The following NEGR1 variants were observed in gnomAD, a reference collection of about 807,000 sequenced individuals.
The protein encoded by NEGR1 is neuronal growth regulator 1.
In NEGR1, 10 loss-of-function variants were observed where a neutral mutation model predicts 40.9. That is an observed-to-expected ratio of 0.24 (90% CI 0.15 to 0.42). The LOEUF is 0.42. Ranked by LOEUF, NEGR1 falls within the 10% of genes least tolerant of loss-of-function variation. The pLI, the probability that NEGR1 is intolerant of heterozygous loss-of-function variation, is 1.00. For missense variants in NEGR1, 352 were observed against 438.9 expected (o/e 0.80, Z 1.77); for synonymous variants, 185 against 166.8 (o/e 1.11, Z -0.84).
intron 6 of NEGR1, among the ~76,000 whole-genome samples, chr1:71,528,635 G>A (rs113657696): frequency 6.6e-6 from 1 of 151,192 alleles, no homozygotes; most frequent in South Asian, 2.1e-4. Flanking sequence ...TACATAATAT[G>A]GTATCTTGTG....
Position 72,129,054 on chromosome 1 carries a change from G to A in NEGR1, c.176+153265C>T, listed in dbSNP as rs1463499448. Among the ~76,000 whole-genome samples, 14 of 152,170 alleles carry A rather than the reference G, an allele frequency of 9.2e-5. No homozygotes were observed. The East Asian group carries it at 2.7e-3, about 29-fold the overall frequency. On this transcript the variant is annotated intron_variant, in intron 1 of 6. Coordinates refer to ENST00000357731, the MANE Select transcript of NEGR1 (RefSeq NM_173808.3). ...ACCTTGTTTTCAGGCCTGTGGATGA[G>A]GACTTGAACTACACCACTGGCTTTC... is the stretch of plus-strand genomic sequence containing the variant.
rs565728730 is a variant in NEGR1 at position 72,088,638 on chromosome 1, AC to A, written c.177-153328del. ...CCGTTAAAATAGCAAAATCAAGGATACTAGAATAATGTATAATGTGTTCAAC... is the reference window on the plus strand; with the variant it reads ...CCGTTAAAATAGCAAAATCAAGGATATAGAATAATGTATAATGTGTTCAAC... On this transcript the variant is annotated intron_variant, in intron 1 of 6. Coordinates refer to ENST00000357731, the MANE Select transcript of NEGR1 (RefSeq NM_173808.3). Among the ~76,000 whole-genome samples the A allele has an allele frequency of 1.9e-3, 289 of 152,284 alleles. 1 individual carries two copies. Among genetic ancestry groups the A allele is most frequent in the East Asian group, 5.8e-4 (3 of 5,176 alleles).
rs556512704 is a variant in NEGR1 at position 72,070,693 on chromosome 1, C to T, written c.177-135382G>A. Among the ~76,000 whole-genome samples the T allele has an allele frequency of 8.2e-4, 125 of 152,064 alleles. 1 individual carries two copies. The highest frequency in any genetic ancestry group is 2.9e-3 in the African/African-American group (122 of 41,544). Reference sequence around the variant, plus strand: ...TTAGTATTGGCAATCCCTGACTCCACCATAAAGTCAAGGAAAATATATAAC... The same window carrying T: ...TTAGTATTGGCAATCCCTGACTCCATCATAAAGTCAAGGAAAATATATAAC... On this transcript the variant is annotated intron_variant, in intron 1 of 6. Coordinates refer to ENST00000357731, the MANE Select transcript of NEGR1 (RefSeq NM_173808.3).
chr1:71,484,279 T>C (rs368245394), intron 6 of NEGR1, among the ~76,000 whole-genome samples: 10 of 151,616 alleles, frequency 6.6e-5, no homozygotes, highest in East Asian at 1.9e-4. Flanking sequence ...ATTGGAATAT[T>C]ATTCACCTTC....
intron 1 of NEGR1, among the ~76,000 whole-genome samples, chr1:72,007,537 C>T (rs770439168): frequency 6.6e-6 from 1 of 152,096 alleles, no homozygotes. Context: ...CACTGCTATG[C>T]CACATTACTC....
intron 6 of NEGR1, among the ~76,000 whole-genome samples, chr1:71,558,428 A>G (rs1570029480): frequency 6.6e-6 from 1 of 151,596 alleles, no homozygotes. Context: ...TGCAATTATT[A>G]TAATGGCGTT....
intron 1 of NEGR1, among the ~76,000 whole-genome samples, chr1:72,105,146 C>T (rs1373302245): frequency 6.6e-6 from 1 of 152,078 alleles, no homozygotes; most frequent in Non-Finnish European, 1.5e-5. Flanking sequence ...ATCTTTCCTG[C>T]CTCCAAACTA....
rs1405022928 is a variant in NEGR1 at position 71,665,933 on chromosome 1, C to T, written c.667+32075G>A. Reference sequence around the variant, plus strand: ...ACAAGATAAAGTCAAAATTCTTATACAGGACTCATTCATTTCTTAAATGAG... The same window carrying T: ...ACAAGATAAAGTCAAAATTCTTATATAGGACTCATTCATTTCTTAAATGAG... On this transcript the variant is annotated intron_variant, in intron 4 of 6. Coordinates refer to ENST00000357731, the MANE Select transcript of NEGR1 (RefSeq NM_173808.3). Among the ~76,000 whole-genome samples the T allele has an allele frequency of 2.0e-5, 3 of 152,130 alleles. 1 individual carries two copies. Among genetic ancestry groups the T allele is most frequent in the Admixed American group, 1.3e-4 (2 of 15,272 alleles).
chr1:71,969,326 T>A (rs1646237126), intron 1 of NEGR1, among the ~76,000 whole-genome samples: 1 of 152,140 alleles, frequency 6.6e-6, no homozygotes, highest in African/African-American at 2.4e-5. Context: ...AACCCCTACA[T>A]CTAATATTGT....
At chr1:71,918,162 A>T (rs1313896524) in intron 2 of NEGR1, among the ~76,000 whole-genome samples, 2 of 131,836 alleles carry the variant, frequency 1.5e-5, no homozygotes, top group Non-Finnish European at 3.1e-5. Context: ...GGTTGCAGTG[A>T]GCCGAGATTG....
chr1:72,051,784 T>G (rs1424989573), intron 1 of NEGR1, among the ~76,000 whole-genome samples: 2 of 151,470 alleles, frequency 1.3e-5, no homozygotes, highest in Non-Finnish European at 3.0e-5. Context: ...ACACTGCCAG[T>G]AATCCTGAGA....
intron 3 of NEGR1, among the ~76,000 whole-genome samples, chr1:71,749,751 G>C (rs1012557388): frequency 6.6e-6 from 1 of 152,128 alleles, no homozygotes; most frequent in Non-Finnish European, 1.5e-5. Context: ...TCAATATTTA[G>C]AAGAGGCAAT....
chr1:72,030,534 T>C (rs1460169163), intron 1 of NEGR1, among the ~76,000 whole-genome samples: 1 of 152,202 alleles, frequency 6.6e-6, no homozygotes, highest in Non-Finnish European at 1.5e-5. Flanking sequence ...AAAATTATAA[T>C]AATATATGTG....
intron 6 of NEGR1, among the ~76,000 whole-genome samples, chr1:71,587,462 AG>A (rs58296167): frequency 0.89 from 135,401 of 152,098 alleles, 61,781 homozygotes; most frequent in Non-Finnish European, 1. Flanking sequence ...CTGATATGAA[AG>A]GAGACATTCC....
chr1:72,267,414 AT>A (rs1655684262), intron 1 of NEGR1, among the ~76,000 whole-genome samples: 1 of 149,890 alleles, frequency 6.7e-6, no homozygotes, highest in South Asian at 2.1e-4. Flanking sequence ...AAGAATTTTC[AT>A]TTTAGGGATT....
chr1:72,215,691 T>C (rs1004416253), intron 1 of NEGR1, among the ~76,000 whole-genome samples: 1 of 151,914 alleles, frequency 6.6e-6, no homozygotes, highest in South Asian at 2.1e-4. Context: ...ATGGCCATTA[T>C]TAAAAAGTCA....
chr1:71,770,037 C>G (rs933574874), intron 3 of NEGR1, among the ~76,000 whole-genome samples: 1 of 152,188 alleles, frequency 6.6e-6, no homozygotes, highest in Admixed American at 6.5e-5. Flanking sequence ...AATGCATTAT[C>G]TTAATCACTA....
intron 3 of NEGR1, among the ~76,000 whole-genome samples, chr1:71,756,770 T>C (rs550345218): frequency 1.8e-4 from 28 of 152,022 alleles, no homozygotes; most frequent in African/African-American, 6.8e-4. Context: ...GTGTAATACA[T>C]CTTCAGAGCT....
chr1:72,167,394 T>C (rs1651806197), intron 1 of NEGR1, among the ~76,000 whole-genome samples: 1 of 152,044 alleles, frequency 6.6e-6, no homozygotes, highest in Non-Finnish European at 1.5e-5. Context: ...ATAACTGAAT[T>C]ATAAGTGAGA....
Sources: gnomAD v4.1 joint callset for allele counts (sites outside exome capture counted in the v4.1 genomes callset) on GRCh38, gnomAD v4.1.1 for gene constraint, MANE v1.5 for transcripts, NCBI Gene and HGNC (gene_info 2026-07-23, HGNC 2026-07-21) for gene names.